Variants in ERN2 observed in about 807,000 individuals in gnomAD.
The protein encoded by ERN2 is endoplasmic reticulum to nucleus signaling 2.
In ERN2, 111 loss-of-function variants were observed where a neutral mutation model predicts 107.9. The ratio of observed to expected loss-of-function variants is 1.03; its 90% confidence interval spans 0.88 to 1.20. The LOEUF (loss-of-function observed/expected upper bound fraction) is 1.20, where lower values mean the gene tolerates loss of function less well. Among genes scored for constraint, ERN2 ranks in the 50% most tolerant of loss-of-function variants. The pLI, the probability that ERN2 is intolerant of heterozygous loss-of-function variation, is 0.00. For missense variants in ERN2, 1,225 were observed against 1,197.9 expected (o/e 1.02, Z -0.33); for synonymous variants, 524 against 501.7 (o/e 1.04, Z -0.59).
At position 23,691,443 on chromosome 16, in the gene ERN2, C is replaced by T. The variant is rs780072720; in HGVS notation, c.2377-18G>A. ...CTGACGTCCTGGGGCCCAGAGAGCT[C>T]CTGAGCCTTGTGACCGGGGCCAGAG... On this transcript the variant is annotated intron_variant, in intron 19 of 21. Transcript: ENST00000256797. 1 of 1,596,658 alleles carries T rather than the reference C, an allele frequency of 6.3e-7. No homozygotes were observed.
rs761902045 is a variant in ERN2 at position 23,704,977 on chromosome 16, G to A, written c.760C>T (p.His254Tyr). The A allele has an allele frequency of 3.7e-6, 6 of 1,614,018 alleles. No individual in the cohort carries two copies. In the Admixed American group the frequency reaches 1.0e-4, roughly 27 times the overall value. Residue 254 changes from histidine (H) to tyrosine (Y), a missense_variant, in exon 8 of 22, where the codon CAT becomes TAT. Physicochemically the swap from His to Tyr is moderately conservative, Grantham distance 83. Coordinates refer to ENST00000256797, the MANE Select transcript of ERN2 (RefSeq NM_033266.4). The stretch of plus-strand genomic sequence containing the variant: ...TGGCCCCAGCGGAGGGCGAGGAAAT[G>A]CAGAGTGTCTCGAGCCAGCGTGAGA... ...PHLTLARDTLHFLALRWGHIR... is the reference protein window; with the variant it reads ...PHLTLARDTLYFLALRWGHIR...
chr16:23,709,164 T>G (rs1331125973), intron 4 of ERN2: 1 of 455,524 alleles, frequency 2.2e-6, no homozygotes, highest in East Asian at 7.0e-5. Flanking sequence ...GGTGTGGTGG[T>G]GTGTACCTGT....
intron 3 of ERN2, 96 bp from the exon 4 acceptor site, chr16:23,710,340 C>G: frequency 8.0e-7 from 1 of 1,251,482 alleles, no homozygotes; most frequent in South Asian, 1.2e-5. Flanking sequence ...TACTAGGAGC[C>G]TGTTCTTGTA....
At chr16:23,710,850 C>T (rs1250363504) in intron 2 of ERN2, 63 bp downstream of exon 2, 1 of 1,186,108 alleles carries the variant, frequency 8.4e-7, no homozygotes, top group African/African-American at 1.5e-5. Flanking sequence ...CTCTATGCCA[C>T]AGTGACTATC....
rs545744502 is a variant in ERN2, at chr16:23,694,420, T to C, written c.2100+308A>G. On this transcript the variant is annotated intron_variant, in intron 17 of 21. Transcript: ENST00000256797. ...CATTTTGTTAGTTCTTTGTGTTGGG[T>C]GTTGTCCTGTCCTGTAAGACATTTA... Among the ~76,000 whole-genome samples the C allele has an allele frequency of 4.6e-5, 7 of 152,244 alleles. No homozygotes were observed. The South Asian group carries it at 1.5e-3, about 32-fold the overall frequency.
chr16:23,696,374 T>C (rs1041256814), intron 13 of ERN2, among the ~76,000 whole-genome samples: 3 of 152,248 alleles, frequency 2.0e-5, no homozygotes, highest in Admixed American at 6.5e-5. Context: ...TTGTTTTGCT[T>C]TGTTTTCCCT....
intron 11 of ERN2, among the ~76,000 whole-genome samples, chr16:23,701,584 T>C (rs188735435): frequency 6.6e-6 from 1 of 152,132 alleles, no homozygotes; most frequent in Admixed American, 6.5e-5. Flanking sequence ...ATTTTTACGC[T>C]GAAGAAGAAT....
intron 2 of ERN2, 50 bp downstream of exon 2, chr16:23,710,862 CT>C (rs750288204): frequency 1.5e-6 from 2 of 1,307,398 alleles, no homozygotes; most frequent in Admixed American, 3.4e-5. Context: ...GTGACTATCC[CT>C]TCACCAATCT....
chr16:23,710,946 G>A lies in ERN2; in HGVS notation c.166C>T (p.Gln56Ter). ...LDGSLHALSK[Q>*]TGDLKWTLRD... ...AGAGTCCACTTCAGGTCCCCTGTCT[G>A]CTTGCTTAGTGCGTGGAGACTTCCA... is the stretch of plus-strand genomic sequence containing the variant. The change falls in exon 2 of 22, where the codon CAG becomes TAG. Residue 56 changes from glutamine (Q) to a stop codon, truncating the protein, a stop_gained. Transcript: ENST00000256797. LOFTEE classifies it high-confidence loss of function. 1 of 1,614,056 alleles carries A rather than the reference G, an allele frequency of 6.2e-7. No homozygotes were observed. Among genetic ancestry groups the A allele is most frequent in the Non-Finnish European group, 8.5e-7 (1 of 1,179,898 alleles).
At chr16:23,694,965 GGCGGAAGGCAGGGGCTAAGGACAGGGA>G (rs748404566) in intron 16 of ERN2, 27 bp downstream of exon 16, 1 of 1,613,748 alleles carries the variant, frequency 6.2e-7, no homozygotes, top group Admixed American at 1.7e-5. Flanking sequence ...GGTTGCTGAG[GGCGGAAGGCAGGGGCTAAGGACAGGGA>G]GCGGGAGGCA....
chr16:23,708,316 G>A lies in ERN2; in HGVS notation c.307-1237C>T, dbSNP rs147710743. Among the ~76,000 whole-genome samples the A allele has an allele frequency of 5.7e-3, 863 of 150,414 alleles. 11 individuals carry two copies. The highest frequency in any genetic ancestry group is 0.02 in the African/African-American group (819 of 40,804). On this transcript the variant is annotated intron_variant, in intron 4 of 21. Coordinates refer to ENST00000256797, the MANE Select transcript of ERN2 (RefSeq NM_033266.4). ...GGGCCTGGTGGGAGGTGATTGGATC[G>A]TGGGGCCAGATCTTTCCATTTGGTG...
intron 14 of ERN2, 108 bp downstream of exon 14, chr16:23,695,786 A>C: frequency 1.3e-6 from 1 of 764,460 alleles, no homozygotes; most frequent in Non-Finnish European, 2.3e-6. Flanking sequence ...GTGAGGGATC[A>C]ACCTGTACCC....
intron 1 of ERN2, 108 bp downstream of exon 1, chr16:23,712,987 G>T: frequency 1.2e-6 from 1 of 821,692 alleles, no homozygotes; most frequent in South Asian, 1.9e-5. Flanking sequence ...GCGTGAGGGA[G>T]GGAGAGGTGC....
rs564664839 is a variant in ERN2 at position 23,702,626 on chromosome 16, C to A, written c.931G>T (p.Val311Leu). Residue 311 changes from valine to leucine, a missense_variant and splice_region_variant, in exon 9 of 22, where the codon GTG becomes TTG. Transcript: ENST00000256797. ...CCCACTCAGAGACCACTTCTTACCACCAGGGCCACTCCTGTGTGGACCAGT... is the reference window on the plus strand; with the variant it reads ...CCCACTCAGAGACCACTTCTTACCAACAGGGCCACTCCTGTGTGGACCAGT... ...KALVHTGVAL[V>L]PRGLTLAPAD... 3 of 1,614,162 alleles carry A rather than the reference C, an allele frequency of 1.9e-6. No individual in the cohort carries two copies. The South Asian group carries it at 3.3e-5, about 18-fold the overall frequency.
In ERN2 at chr16:23,695,373, G is replaced by A. The variant is rs772756672; in HGVS notation, c.1627C>T (p.Arg543Trp). Residue 543 changes from arginine to tryptophan, a missense_variant, in exon 15 of 22, where the codon CGG becomes TGG. By Grantham distance (101) the Arg-to-Trp change is moderately radical. Transcript: ENST00000256797. ...AGGAGCCGCTTGACAGCCACTGCCCGTCCCTCAAACTGTCCCCTGGAAAGT... is the reference window on the plus strand; with the variant it reads ...AGGAGCCGCTTGACAGCCACTGCCCATCCCTCAAACTGTCCCCTGGAAAGT... ...TFVFRGQFEG[R>W]AVAVKRLLRE... The A allele has an allele frequency of 1.0e-5, 16 of 1,597,658 alleles. No individual in the cohort carries two copies. The highest frequency in any genetic ancestry group is 9.1e-5 in the East Asian group (4 of 44,140).
In ERN2 at chr16:23,702,608, A is replaced by G; in HGVS notation, c.933+16T>C. ...CGTTCATCCTCTTTCCAGCCCACTCAGAGACCACTTCTTACCACCAGGGCC... is the reference window on the plus strand; with the variant it reads ...CGTTCATCCTCTTTCCAGCCCACTCGGAGACCACTTCTTACCACCAGGGCC... On this transcript the variant is annotated intron_variant, in intron 9 of 21. Transcript: ENST00000256797. 2 of 1,614,196 alleles carry G rather than the reference A, an allele frequency of 1.2e-6. No individual in the cohort carries two copies. The highest frequency in any genetic ancestry group is 8.5e-7 in the Non-Finnish European group (1 of 1,180,010).
At chr16:23,701,565 T>C (rs1960064791) in intron 11 of ERN2, among the ~76,000 whole-genome samples, 1 of 152,156 alleles carries the variant, frequency 6.6e-6, no homozygotes, top group South Asian at 2.1e-4. Context: ...TTTCAATGAA[T>C]ATTTTACAAT....
chr16:23,693,215 G>A (rs1388047750), intron 17 of ERN2, among the ~76,000 whole-genome samples: 1 of 150,818 alleles, frequency 6.6e-6, no homozygotes, highest in Non-Finnish European at 1.5e-5. Flanking sequence ...GATCCCTTGA[G>A]CCCAGGAGTT....
chr16:23,710,633 T>G, intron 2 of ERN2, 84 bp from the exon 3 acceptor site: 1 of 1,463,356 alleles, frequency 6.8e-7, no homozygotes, highest in African/African-American at 1.4e-5. Flanking sequence ...AGCTATGGCA[T>G]GACTGTGATG....
Sources: allele counts gnomAD v4.1 joint callset (sites outside exome capture counted in the v4.1 genomes callset), GRCh38; gene constraint gnomAD v4.1.1; transcripts MANE v1.5; gene names NCBI Gene and HGNC (gene_info 2026-07-23, HGNC 2026-07-21).